Variants in ROR1 observed in about 807,000 individuals in gnomAD.
ROR1 encodes ROR family WNT receptor 1.
A neutral mutation model predicts 78.8 loss-of-function variants in ROR1; 19 were observed. The observed-to-expected ratio is 0.24, with a 90% CI of 0.17 to 0.35. The LOEUF (loss-of-function observed/expected upper bound fraction) is 0.35, where lower values mean the gene tolerates loss of function less well. ROR1 is among the 10% of genes least tolerant of loss of function. The pLI is 1.00. For synonymous variants in ROR1, 386 were observed against 433.6 expected, an observed-to-expected ratio of 0.89 and a Z score of 1.36; for missense variants, 917 against 1,177.8, an observed-to-expected ratio of 0.78 and a Z score of 3.24.
intron 1 of ROR1, among the ~76,000 whole-genome samples, chr1:63,859,257 A>T (rs1479809071): frequency 6.6e-6 from 1 of 152,054 alleles, no homozygotes; most frequent in Non-Finnish European, 1.5e-5. Flanking sequence ...ACCTTATCCT[A>T]CTCAATGTTT....
intron 1 of ROR1, among the ~76,000 whole-genome samples, chr1:63,861,646 A>T (rs903994578): frequency 6.6e-6 from 1 of 152,228 alleles, no homozygotes; most frequent in African/African-American, 2.4e-5. Flanking sequence ...GTCTTTCTGC[A>T]TCTGTGATTT....
chr1:63,854,912 G>T (rs937831639), intron 1 of ROR1, among the ~76,000 whole-genome samples: 9 of 152,016 alleles, frequency 5.9e-5, no homozygotes, highest in South Asian at 2.1e-4. Flanking sequence ...TTATCTCTAG[G>T]TTACTTATAA....
chr1:63,789,884 C>T (rs1644715395), intron 1 of ROR1, among the ~76,000 whole-genome samples: 1 of 152,064 alleles, frequency 6.6e-6, no homozygotes, highest in African/African-American at 2.4e-5. Flanking sequence ...AGCAAGGATC[C>T]ACTGACATGA....
chr1:64,107,081 G>A (rs1255073866), intron 4 of ROR1: 2 of 152,282 alleles, frequency 1.3e-5, no homozygotes, highest in African/African-American at 4.8e-5. Context: ...CATGATTGTT[G>A]AAATGATCAT....
intron 2 of ROR1, among the ~76,000 whole-genome samples, chr1:64,038,565 C>T (rs1178431858): frequency 6.6e-6 from 1 of 152,152 alleles, no homozygotes; most frequent in East Asian, 1.9e-4. Context: ...GGTGTTACCT[C>T]CTTTGGAAAC....
Position 63,997,842 on chromosome 1 carries a change from TTA to T in ROR1, c.92-11462_92-11461del, listed in dbSNP as rs778248150. Among the ~76,000 whole-genome samples the T allele has an allele frequency of 3.2e-3, 252 of 77,548 alleles. 1 individual carries two copies. Among genetic ancestry groups the T allele is most frequent in the Non-Finnish European group, 5.0e-3 (143 of 28,430 alleles). 50.9% of individuals were successfully genotyped at this position (77,548 alleles called of 152,430 possible). The stretch of plus-strand genomic sequence containing the variant: ...TATCTATGATTAGTGTTTTTTTTTT[TTA>T]AAAGTCTTTACCCAATTGTGAGAAC... On this transcript the variant is annotated intron_variant, in intron 1 of 8. Coordinates refer to ENST00000371079, the MANE Select transcript of ROR1 (RefSeq NM_005012.4).
chr1:63,864,601 C>A (rs867819491), intron 1 of ROR1, among the ~76,000 whole-genome samples: 56 of 152,162 alleles, frequency 3.7e-4, no homozygotes, highest in African/African-American at 1.3e-3. Flanking sequence ...GCTGTGCAGG[C>A]GTTTGTCAGC....
intron 8 of ROR1, among the ~76,000 whole-genome samples, chr1:64,172,511 C>T (rs1341042390): frequency 3.9e-5 from 6 of 152,040 alleles, no homozygotes; most frequent in African/African-American, 1.4e-4. Flanking sequence ...TACTTAATTG[C>T]CTTACAGCAT....
intron 2 of ROR1, among the ~76,000 whole-genome samples, chr1:64,047,630 T>C (rs1646794763): frequency 6.6e-6 from 1 of 152,234 alleles, no homozygotes; most frequent in Non-Finnish European, 1.5e-5. Flanking sequence ...CAATGAATGA[T>C]ATGGGGCTAT....
chr1:63,965,890 A>G (rs771535730), intron 1 of ROR1, among the ~76,000 whole-genome samples: 22 of 152,204 alleles, frequency 1.4e-4, no homozygotes, highest in Non-Finnish European at 2.9e-4. Context: ...AGGACTGTGG[A>G]GTCAGGTAAA....
At chr1:63,877,557 G>A (rs886618002) in intron 1 of ROR1, among the ~76,000 whole-genome samples, 1 of 152,164 alleles carries the variant, frequency 6.6e-6, no homozygotes, top group African/African-American at 2.4e-5. Context: ...GGAGTAGGGT[G>A]AGGTGGCATT....
intron 7 of ROR1, among the ~76,000 whole-genome samples, chr1:64,145,898 G>A (rs1314340517): frequency 6.6e-6 from 1 of 152,154 alleles, no homozygotes; most frequent in Non-Finnish European, 1.5e-5. Context: ...AGAAGCTGAG[G>A]CTGAGAAAGC....
At chr1:63,784,700 T>C (rs1644673290) in intron 1 of ROR1, among the ~76,000 whole-genome samples, 1 of 152,164 alleles carries the variant, frequency 6.6e-6, no homozygotes, top group South Asian at 2.1e-4. Context: ...TGAGACTGGC[T>C]TTCCTCACGT....
At chr1:64,038,378 C>T (rs1305028522) in intron 2 of ROR1, among the ~76,000 whole-genome samples, 1 of 152,160 alleles carries the variant, frequency 6.6e-6, no homozygotes, top group Non-Finnish European at 1.5e-5. Context: ...TCCACCCTAT[C>T]TTGTGAATGC....
chr1:63,935,092 G>GT (rs1645784189), intron 1 of ROR1, among the ~76,000 whole-genome samples: 1 of 150,786 alleles, frequency 6.6e-6, no homozygotes, highest in Non-Finnish European at 1.5e-5. Context: ...TAGCCTGTTG[G>GT]TTTTTTGTTG....
At chr1:63,962,772 A>G (rs1179489025) in intron 1 of ROR1, among the ~76,000 whole-genome samples, 1 of 152,172 alleles carries the variant, frequency 6.6e-6, no homozygotes, top group African/African-American at 2.4e-5. Context: ...GGGGCCACAC[A>G]GTGTATAGCA....
In ROR1 at chr1:63,774,702, C is replaced by G. The variant is rs950862243; in HGVS notation, c.91+194C>G. ...AGCCCCGCCAGGCCAGGGTTTGCCCCGGAGCCCCGCGGCGGGCCGGGGCGC... is the reference window on the plus strand; with the variant it reads ...AGCCCCGCCAGGCCAGGGTTTGCCCGGGAGCCCCGCGGCGGGCCGGGGCGC... On this transcript the variant is annotated intron_variant, in intron 1 of 8. Transcript: ENST00000371079. This position sits in a 1 kb window ranked among gnomAD's most constrained non-coding sequence, Gnocchi z 5.7. Among the ~76,000 whole-genome samples, 4 of 151,260 alleles carry G rather than the reference C, an allele frequency of 2.6e-5. No homozygotes were observed. In the East Asian group the frequency reaches 5.9e-4, roughly 22 times the overall value.
At chr1:64,120,167 T>G (rs569153077) in intron 4 of ROR1, among the ~76,000 whole-genome samples, 1 of 152,320 alleles carries the variant, frequency 6.6e-6, no homozygotes, top group South Asian at 2.1e-4. Context: ...ATGATGATTA[T>G]TATTAATAAA....
intron 2 of ROR1, among the ~76,000 whole-genome samples, chr1:64,015,241 T>A (rs1646511231): frequency 6.6e-6 from 1 of 152,138 alleles, no homozygotes; most frequent in South Asian, 2.1e-4. Flanking sequence ...CACATAGGAA[T>A]TGTGGGAGAC....
Sources: gnomAD v4.1 joint callset for allele counts (sites outside exome capture counted in the v4.1 genomes callset) on GRCh38, gnomAD v4.1.1 for gene constraint, Gnocchi (gnomAD v3.1) non-coding constraint, MANE v1.5 for transcripts, NCBI Gene and HGNC (gene_info 2026-07-23, HGNC 2026-07-21) for gene names.